The following STX16 variants were observed in gnomAD, a reference collection of about 807,000 sequenced individuals.
STX16 encodes syntaxin 16.
STX16 carries 28 observed loss-of-function variants against 42.7 expected under a neutral mutation model. The observed-to-expected ratio is 0.66, with a 90% CI of 0.49 to 0.90. The LOEUF (loss-of-function observed/expected upper bound fraction) is 0.90. STX16 is among the 40% of genes least tolerant of loss of function. The pLI is 0.00. For missense variants in STX16, 361 were observed against 420.9 expected, an observed-to-expected ratio of 0.86 and a Z score of 1.24; for synonymous variants, 156 against 155.2, an observed-to-expected ratio of 1.00 and a Z score of -0.04.
intron 4 of STX16, 81 bp from the exon 5 acceptor site, chr20:58,669,210 C>T: frequency 3.4e-6 from 5 of 1,473,106 alleles, no homozygotes; most frequent in Non-Finnish European, 4.6e-6. Context: ...TCTCACTTCT[C>T]ACTCTGGCTT....
At chr20:58,654,585 T>C (rs142558030) in intron 1 of STX16, among the ~76,000 whole-genome samples, 233 of 152,342 alleles carry the variant, frequency 1.5e-3, no homozygotes, top group African/African-American at 5.2e-3. Context: ...GTAAAATCTA[T>C]TGAGTAACTC....
chr20:58,662,416 ATGTT>A (rs2083721691), intron 2 of STX16, among the ~76,000 whole-genome samples: 1 of 152,224 alleles, frequency 6.6e-6, no homozygotes, highest in Non-Finnish European at 1.5e-5. Flanking sequence ...CAGAGTATGT[ATGTT>A]AGTTGAGAAA....
At chr20:58,652,208 T>G in intron 1 of STX16, 70 bp downstream of exon 1, 2 of 1,591,454 alleles carry the variant, frequency 1.3e-6, no homozygotes, top group Non-Finnish European at 1.7e-6. Flanking sequence ...TGTCTGTCTC[T>G]GTCTGTCTCT....
intron 2 of STX16, among the ~76,000 whole-genome samples, chr20:58,664,811 G>T (rs2083779976): frequency 6.6e-6 from 1 of 152,154 alleles, no homozygotes; most frequent in Non-Finnish European, 1.5e-5. Flanking sequence ...AGTAAAAACA[G>T]TACAAAATAA....
rs2083957489 is a variant in STX16, at chr20:58,671,098, T to C, written c.649-56T>C. The C allele has an allele frequency of 2.0e-6, 3 of 1,516,564 alleles. No homozygotes were observed. The South Asian group carries it at 3.8e-5, about 19-fold the overall frequency. 93.9% of individuals were successfully genotyped at this position (1,516,564 alleles called of 1,614,324 possible). A position where few individuals can be genotyped will look rare whatever the true frequency, so the allele number is the denominator to read the frequency against. ...AAATTATATCTAAACAAGTATACCA[T>C]AGCTTTCCTGAGAGGGAAAACAATC... On this transcript the variant is annotated intron_variant, in intron 6 of 8. Coordinates refer to ENST00000371141, the MANE Select transcript of STX16 (RefSeq NM_001001433.3).
chr20:58,657,150 C>T lies in STX16; in HGVS notation c.133-2473C>T, dbSNP rs1226633643. 6.6e-6 allele frequency among the ~76,000 whole-genome samples: 1 copy of T among 152,196 alleles called. No individual in the cohort carries two copies. The highest frequency in any genetic ancestry group is 1.5e-5 in the Non-Finnish European group (1 of 68,042). Reference sequence around the variant, plus strand: ...TTTTTTTCTTGCAATAGGCTAGCATCTTTCTTTATCTCACTTTATGAACCT... The same window carrying T: ...TTTTTTTCTTGCAATAGGCTAGCATTTTTCTTTATCTCACTTTATGAACCT... On this transcript the variant is annotated intron_variant, in intron 1 of 8. Coordinates refer to ENST00000371141, the MANE Select transcript of STX16 (RefSeq NM_001001433.3). This position sits in a 1 kb window ranked among gnomAD's most constrained non-coding sequence, Gnocchi z 4.2.
intron 3 of STX16, 48 bp from the exon 4 acceptor site, chr20:58,667,939 C>G (rs1459704043): frequency 1.2e-6 from 2 of 1,612,332 alleles, no homozygotes. Flanking sequence ...TGGAGGCAGA[C>G]CATAGCCTGC....
chr20:58,655,780 G>C (rs1383482690), intron 1 of STX16, among the ~76,000 whole-genome samples: 1 of 152,008 alleles, frequency 6.6e-6, no homozygotes, highest in Non-Finnish European at 1.5e-5. Context: ...GCTCAGAGTG[G>C]TTATGCTTTT....
intron 2 of STX16, 151 bp downstream of exon 2, chr20:58,659,785 A>T: frequency 1.2e-6 from 1 of 801,096 alleles, no homozygotes; most frequent in Non-Finnish European, 1.9e-6. Flanking sequence ...TAACAGTTTA[A>T]TATGTAGAAT....
In STX16 at chr20:58,670,505, G is replaced by C. The variant is rs41276952; in HGVS notation, c.557-7G>C. 10,673 of 1,603,086 alleles carry C rather than the reference G, an allele frequency of 6.7e-3. 73 individuals carry two copies. The highest frequency in any genetic ancestry group is 0.028 in the Middle Eastern group (167 of 6,052). On this transcript the variant is annotated splice_polypyrimidine_tract_variant and splice_region_variant and intron_variant, in intron 5 of 8. Coordinates refer to ENST00000371141, the MANE Select transcript of STX16 (RefSeq NM_001001433.3). ...ATTCAAGTAAAATGAATTCCTATCTGTGATAGGCATGAAGAATCGAGAGGA... is the reference window on the plus strand; with the variant it reads ...ATTCAAGTAAAATGAATTCCTATCTCTGATAGGCATGAAGAATCGAGAGGA...
In STX16 at chr20:58,651,992, C is replaced by A; in HGVS notation, c.-15C>A. The A allele has an allele frequency of 6.2e-7, 1 of 1,613,254 alleles. No homozygotes were observed. The highest frequency in any genetic ancestry group is 8.5e-7 in the Non-Finnish European group (1 of 1,179,314). ...GGCGGGGGGCCCCTGAGAGGGGGGT[C>A]GCAAAGGGTGAGACATGGCCACCAG... On this transcript the variant is annotated 5_prime_UTR_variant, in exon 1 of 9. Transcript: ENST00000371141.
At chr20:58,653,825 A>G (rs1196535004) in intron 1 of STX16, among the ~76,000 whole-genome samples, 2 of 151,950 alleles carry the variant, frequency 1.3e-5, no homozygotes, top group African/African-American at 4.8e-5. Flanking sequence ...TTAAGGTTCA[A>G]AATACCCTGA....
At chr20:58,667,137 T>C in intron 2 of STX16, 2 of 378,366 alleles carry the variant, frequency 5.3e-6, no homozygotes, top group East Asian at 7.0e-5. Flanking sequence ...TCTATCACAG[T>C]ACTAGTAGTA....
At chr20:58,668,386 G>A (rs577756070) in intron 4 of STX16, among the ~76,000 whole-genome samples, 16 of 152,240 alleles carry the variant, frequency 1.1e-4, no homozygotes, top group African/African-American at 3.6e-4. Context: ...AAACATTATC[G>A]AGTTCAATCA....
chr20:58,654,567 C>T (rs182924337), intron 1 of STX16, among the ~76,000 whole-genome samples: 10 of 152,264 alleles, frequency 6.6e-5, no homozygotes, highest in African/African-American at 2.4e-4. Flanking sequence ...CCATGTTTAA[C>T]ACAATTTGTA....
At chr20:58,652,614 GTGT>G (rs978768166) in intron 1 of STX16, among the ~76,000 whole-genome samples, 9 of 152,136 alleles carry the variant, frequency 5.9e-5, no homozygotes, top group South Asian at 2.1e-4. Context: ...GGAGGGAGTT[GTGT>G]TGTTGTTTTG....
In STX16 at chr20:58,679,178, G is replaced by C. The variant is rs2084211268; in HGVS notation, c.*2887G>C. The C allele has an allele frequency of 6.6e-6, 1 of 152,382 alleles. No homozygotes were observed. Among genetic ancestry groups the C allele is most frequent in the Non-Finnish European group, 1.5e-5 (1 of 68,048 alleles). 9.4% of individuals were successfully genotyped at this position (152,382 alleles called of 1,614,324 possible). On this transcript the variant is annotated 3_prime_UTR_variant, in exon 9 of 9. Transcript: ENST00000371141. ...TGTTCGTTTTGGGGGTGGTGGTGCT[G>C]GCTGGGCCATGCTTGTGAAGTGATG...
chr20:58,664,419 A>AT (rs1382465526), intron 2 of STX16, among the ~76,000 whole-genome samples: 8 of 152,200 alleles, frequency 5.3e-5, no homozygotes, highest in Non-Finnish European at 1.2e-4. Flanking sequence ...AAAGAGACAA[A>AT]TTATTCGCTA....
At position 58,667,607 on chromosome 20, in the gene STX16, A is replaced by T; in HGVS notation, c.252+10A>T. On this transcript the variant is annotated intron_variant, in intron 3 of 8. Coordinates refer to ENST00000371141, the MANE Select transcript of STX16 (RefSeq NM_001001433.3). Reference sequence around the variant, plus strand: ...GGATGGAGTGGATGAAGTAAGTTCCATGTTAGTTTCATAGCATCTTGTTTT... The same window carrying T: ...GGATGGAGTGGATGAAGTAAGTTCCTTGTTAGTTTCATAGCATCTTGTTTT... 1 of 1,606,710 alleles carries T rather than the reference A, an allele frequency of 6.2e-7. No individual in the cohort carries two copies. The highest frequency in any genetic ancestry group is 8.5e-7 in the Non-Finnish European group (1 of 1,173,364).
Sources: gnomAD v4.1 joint callset for allele counts (sites outside exome capture counted in the v4.1 genomes callset) on GRCh38, gnomAD v4.1.1 for gene constraint, Gnocchi (gnomAD v3.1) non-coding constraint, MANE v1.5 for transcripts, NCBI Gene and HGNC (gene_info 2026-07-23, HGNC 2026-07-21) for gene names.